ZNF695: variants seen among roughly 807,000 people sequenced by gnomAD.
The protein encoded by ZNF695 is zinc finger protein 695.
ZNF695 carries 11 observed loss-of-function variants against 11.2 expected under a neutral mutation model. That is an observed-to-expected ratio of 0.98 (90% CI 0.62 to 1.62). ZNF695 has a LOEUF of 1.62. ZNF695 is among the 40% of genes most tolerant of loss of function. The pLI, the probability that ZNF695 is intolerant of heterozygous loss-of-function variation, is 0.00. For synonymous variants in ZNF695, 190 were observed against 201.4 expected, an observed-to-expected ratio of 0.94 and a Z score of 0.48; for missense variants, 559 against 590.5, an observed-to-expected ratio of 0.95 and a Z score of 0.55.
In ZNF695 at chr1:246,959,304, AAAAAAAATATATATATATATATATAT is replaced by A. The variant is rs1668094594; in HGVS notation, c.488+8365_488+8390del. 7.1e-5 allele frequency among the ~76,000 whole-genome samples: 5 copies of A among 70,514 alleles called. No homozygotes were observed. The South Asian group carries it at 2.1e-3, about 29-fold the overall frequency. The allele number at this position is 70,514 out of a possible 152,430, so 46.3% of individuals were successfully genotyped here. On this transcript the variant is annotated intron_variant, in intron 5 of 5. Transcript: ENST00000487338. ...TCTCAAAAAAAAAAAAAAAAAAAAA[AAAAAAAATATATATATATATATATAT>A]ATATATATATATATATATATAAAAT... is the stretch of plus-strand genomic sequence containing the variant.
At chr1:246,999,862 T>G (rs551209896) in intron 2 of ZNF695, 50 bp downstream of exon 2, 66 of 1,582,112 alleles carry the variant, frequency 4.2e-5, no homozygotes, top group South Asian at 3.5e-4. Context: ...TTCATGCAAA[T>G]CAGAAACTCC....
rs559875892 is a variant in ZNF695 at position 246,987,898 on chromosome 1, T to C, written c.617A>G (p.His206Arg). The C allele has an allele frequency of 5.6e-6, 9 of 1,609,142 alleles. No homozygotes were observed. The highest frequency in any genetic ancestry group is 3.3e-5 in the South Asian group (3 of 89,908). Residue 206 changes from histidine to arginine, a missense_variant, in exon 4 of 4, where the codon CAT becomes CGT. By Grantham distance (29) the His-to-Arg change is conservative. Coordinates refer to ENST00000339986, the MANE Select transcript of ZNF695 (RefSeq NM_020394.5). Reference sequence around the variant, plus strand: ...ACATTGGTACGGGTTCTCTCCAATATGGATTCTCTGCTGTTGAGTCATTAT... The same window carrying C: ...ACATTGGTACGGGTTCTCTCCAATACGGATTCTCTGCTGTTGAGTCATTAT... ...SLIMTQQQRIHIGENPYQCKK... is the reference protein window; with the variant it reads ...SLIMTQQQRIRIGENPYQCKK...
intron 3 of ZNF695, among the ~76,000 whole-genome samples, chr1:246,993,503 G>C (rs1669104521): frequency 6.6e-6 from 1 of 152,052 alleles, no homozygotes; most frequent in Non-Finnish European, 1.5e-5. Context: ...TCTCTAGCCT[G>C]GTCAACTGGT....
At position 246,966,224 on chromosome 1, in the gene ZNF695, C is replaced by T. The variant is rs143881775; in HGVS notation, c.488+1471G>A. Among the ~76,000 whole-genome samples, 658 of 152,240 alleles carry T rather than the reference C, an allele frequency of 4.3e-3. 6 individuals carry two copies. Among genetic ancestry groups the T allele is most frequent in the African/African-American group, 0.015 (636 of 41,540 alleles). On this transcript the variant is annotated intron_variant, in intron 5 of 5. Transcript: ENST00000487338. ...CAAAGTGAGGTCGGGCGCGGTGGCTCACACCTATAATCTCAGCACATTGGG... is the reference window on the plus strand; with the variant it reads ...CAAAGTGAGGTCGGGCGCGGTGGCTTACACCTATAATCTCAGCACATTGGG...
intron 5 of ZNF695, among the ~76,000 whole-genome samples, chr1:246,958,303 C>T (rs1668059902): frequency 1.3e-5 from 2 of 152,002 alleles, no homozygotes; most frequent in African/African-American, 4.8e-5. Flanking sequence ...CGTGATCTGC[C>T]CTCCTCGGCC....
chr1:246,954,142 C>T (rs966482350), intron 5 of ZNF695, among the ~76,000 whole-genome samples: 7 of 152,098 alleles, frequency 4.6e-5, no homozygotes, highest in Admixed American at 3.3e-4. Context: ...CATGAATGAA[C>T]GAATGACTTC....
Position 246,945,969 on chromosome 1 carries a change from C to T in ZNF695, c.489-142G>A. The T allele has an allele frequency of 2.9e-6, 3 of 1,028,954 alleles. No homozygotes were observed. The South Asian group carries it at 4.7e-5, about 16-fold the overall frequency. The allele number at this position is 1,028,954 out of a possible 1,614,324, so 63.7% of individuals were successfully genotyped here. A position where few individuals can be genotyped will look rare whatever the true frequency, so the allele number is the denominator to read the frequency against. On this transcript the variant is annotated intron_variant, in intron 5 of 5. Transcript: ENST00000487338. ...TGTCTGTCCCTTGCCATTTCAAATT[C>T]ACGCAGGTGTGAGCCACTGCGCCCA... is the stretch of plus-strand genomic sequence containing the variant.
At chr1:246,998,770 A>C (rs143994799) in intron 3 of ZNF695, among the ~76,000 whole-genome samples, 4,541 of 152,260 alleles carry the variant, frequency 0.03, 94 homozygotes, top group Non-Finnish European at 0.045. Context: ...GATTGAGACC[A>C]TATGGGCTAA....
Position 247,007,948 on chromosome 1 carries a change from C to G in ZNF695, c.-40G>C, listed in dbSNP as rs767035380. The G allele has an allele frequency of 7.4e-6, 11 of 1,489,202 alleles. No homozygotes were observed. Among genetic ancestry groups the G allele is most frequent in the African/African-American group, 1.4e-5 (1 of 70,344 alleles). 92.2% of individuals were successfully genotyped at this position (1,489,202 alleles called of 1,614,324 possible). ...GGGTCCCAGCGTCCTCCCTATAAAT[C>G]TCGCAATACCTGCAGGCCACAGGGC... On this transcript the variant is annotated 5_prime_UTR_variant, in exon 1 of 4. Transcript: ENST00000339986.
chr1:246,958,066 G>GT (rs1177200266), intron 5 of ZNF695, among the ~76,000 whole-genome samples: 194 of 145,842 alleles, frequency 1.3e-3, no homozygotes, highest in South Asian at 2.4e-3. Flanking sequence ...TTTTGTTTTT[G>GT]TTTTTTTTTT....
At chr1:246,971,469 G>C (rs956175617) in intron 4 of ZNF695, among the ~76,000 whole-genome samples, 1 of 152,050 alleles carries the variant, frequency 6.6e-6, no homozygotes, top group Non-Finnish European at 1.5e-5. Flanking sequence ...ATTCCCCAGG[G>C]AAAGGGAGAC....
intron 1 of ZNF695, among the ~76,000 whole-genome samples, chr1:247,003,983 C>T (rs749381536): frequency 2.5e-4 from 38 of 152,290 alleles, no homozygotes; most frequent in South Asian, 8.3e-4. Flanking sequence ...GAGGCCAAGG[C>T]GGGCGGATCA....
At chr1:247,006,426 C>T (rs949016003) in intron 1 of ZNF695, among the ~76,000 whole-genome samples, 1 of 152,048 alleles carries the variant, frequency 6.6e-6, no homozygotes, top group Non-Finnish European at 1.5e-5. Context: ...GCCTGGCCAA[C>T]ATAATGAAAC....
chr1:246,999,503 C>T (rs1572534737), intron 2 of ZNF695, 63 bp from the exon 3 acceptor site: 1 of 1,314,592 alleles, frequency 7.6e-7, no homozygotes, highest in East Asian at 2.3e-5. Flanking sequence ...TTTTACTATG[C>T]TCAGTAGAGA....
intron 4 of ZNF695, among the ~76,000 whole-genome samples, chr1:246,977,789 G>A (rs1474252337): frequency 2.6e-5 from 4 of 152,206 alleles, no homozygotes; most frequent in Admixed American, 1.3e-4. Context: ...TACTTGGGCA[G>A]CAGAACTAAT....
chr1:246,991,994 G>T (rs1324457179), intron 3 of ZNF695, among the ~76,000 whole-genome samples: 1 of 152,016 alleles, frequency 6.6e-6, no homozygotes, highest in Admixed American at 6.6e-5. Context: ...AAAAGATTGA[G>T]ACCATCCTGG....
intron 3 of ZNF695, among the ~76,000 whole-genome samples, chr1:246,997,533 A>G (rs1393815668): frequency 6.6e-6 from 1 of 151,972 alleles, no homozygotes; most frequent in African/African-American, 2.4e-5. Context: ...AAGAACTACC[A>G]TACAAGACAG....
intron 3 of ZNF695, among the ~76,000 whole-genome samples, chr1:246,991,212 T>C (rs1295825234): frequency 6.6e-6 from 1 of 152,016 alleles, no homozygotes; most frequent in Non-Finnish European, 1.5e-5. Context: ...AAGACATTAG[T>C]CTAAGCAAAA....
chr1:246,987,010 T>G lies in ZNF695; in HGVS notation c.1505A>C (p.Asn502Thr), dbSNP rs761690887. 6 of 1,608,424 alleles carry G rather than the reference T, an allele frequency of 3.7e-6. No homozygotes were observed. In the South Asian group the frequency reaches 4.4e-5, roughly 12 times the overall value. Residue 502 changes from asparagine to threonine, a missense_variant, in exon 4 of 4, where the codon AAC (asparagine) becomes ACC (threonine). Asn to Thr is a moderately conservative substitution (Grantham distance 65). Transcript: ENST00000339986. ...YKCEECGKAF[N>T]HSAQLAVHEK... is the part of the protein sequence containing the mutation. ...ATGTACAGCAAGTTGTGCAGAGTGG[T>G]TAAAGGCTTTGCCACATTCCTCACA... is the stretch of plus-strand genomic sequence containing the variant.
Sources: allele counts gnomAD v4.1 joint callset (sites outside exome capture counted in the v4.1 genomes callset), GRCh38; gene constraint gnomAD v4.1.1; transcripts MANE v1.5; gene names NCBI Gene and HGNC (gene_info 2026-07-23, HGNC 2026-07-21).